ADAM2: variants seen among roughly 807,000 people sequenced by gnomAD.
The protein encoded by ADAM2 is ADAM metallopeptidase domain 2.
In ADAM2, 101 loss-of-function variants were observed where a neutral mutation model predicts 99.3. The observed-to-expected ratio is 1.02, with a 90% CI of 0.87 to 1.20. The LOEUF is 1.20. Ranked by LOEUF, ADAM2 falls within the 50% of genes most tolerant of loss-of-function variation. The probability of loss-of-function intolerance (pLI) is 0.00; values close to 1 mark genes in which losing one functional copy is unlikely to be tolerated. For missense variants in ADAM2, 948 were observed against 878.7 expected, an observed-to-expected ratio of 1.08 and a Z score of -1.00; for synonymous variants, 323 against 287.6, an observed-to-expected ratio of 1.12 and a Z score of -1.25.
At chr8:39,826,725 C>CA (rs1805418154) in intron 3 of ADAM2, among the ~76,000 whole-genome samples, 1 of 148,066 alleles carries the variant, frequency 6.8e-6, no homozygotes. Flanking sequence ...AAAAAAAAAA[C>CA]AAAAAAACCA....
chr8:39,769,574 G>C lies in ADAM2; in HGVS notation c.1030C>G (p.His344Asp). Residue 344 changes from histidine (H) to aspartate (D), a missense_variant and splice_region_variant, in exon 12 of 21, where the codon CAT becomes GAT. His to Asp is a moderately conservative substitution (Grantham distance 81). Transcript: ENST00000265708. The part of the protein sequence containing the change: ...AVCIMNPEAI[H>D]FSGVKIFSNC... ...CTAAAGATCTTCACACCACTGAAAT[G>C]ACTAAAGACACATCAAACGTCAAAT... The C allele has an allele frequency of 1.9e-6, 3 of 1,607,838 alleles. No homozygotes were observed. The South Asian group carries it at 3.3e-5, about 18-fold the overall frequency.
chr8:39,824,955 T>C, intron 3 of ADAM2, 58 bp from the exon 4 acceptor site: 5 of 778,220 alleles, frequency 6.4e-6, no homozygotes, highest in Admixed American at 2.3e-5. Flanking sequence ...TTTGAAACAT[T>C]TATTTTATTA....
chr8:39,783,728 G>A (rs1162586619), intron 10 of ADAM2, among the ~76,000 whole-genome samples: 1 of 152,082 alleles, frequency 6.6e-6, no homozygotes, highest in Admixed American at 6.5e-5. Context: ...GAGGCAGGCA[G>A]ATCACAAGGT....
chr8:39,802,834 C>T (rs759562001), intron 7 of ADAM2, among the ~76,000 whole-genome samples: 3 of 152,092 alleles, frequency 2.0e-5, no homozygotes, highest in Non-Finnish European at 2.9e-5. Context: ...AAAAAAAAAT[C>T]GTTTGTTCTA....
In ADAM2 at chr8:39,755,764, C is replaced by T. The variant is rs116723080; in HGVS notation, c.1761G>A (p.Met587Ile). 2 of 1,613,540 alleles carry T rather than the reference C, an allele frequency of 1.2e-6. No individual in the cohort carries two copies. The highest frequency in any genetic ancestry group is 1.1e-5 in the South Asian group (1 of 90,926). ...FASDHADSQKMWIKDGTSCGS... is the reference protein window; with the variant it reads ...FASDHADSQKIWIKDGTSCGS... The stretch of plus-strand genomic sequence containing the variant: ...CACAAGAAGTTCCATCTTTTATCCA[C>T]ATCTTTTGGCTGTCTGCATGATCAC... The change falls in exon 16 of 21, where the codon ATG becomes ATA. Residue 587 changes from methionine (M) to isoleucine (I), a missense_variant. Physicochemically the swap from Met to Ile is conservative, Grantham distance 10. Coordinates refer to ENST00000265708, the MANE Select transcript of ADAM2 (RefSeq NM_001464.5).
At chr8:39,746,327 A>G in intron 19 of ADAM2, 145 bp downstream of exon 19, 4 of 583,760 alleles carry the variant, frequency 6.9e-6, no homozygotes, top group Non-Finnish European at 1.1e-5. Flanking sequence ...ACCCCTGGCC[A>G]TTAGTTATTA....
chr8:39,801,010 C>T (rs923860130), intron 7 of ADAM2, among the ~76,000 whole-genome samples: 3 of 152,158 alleles, frequency 2.0e-5, no homozygotes, highest in Admixed American at 2.0e-4. Flanking sequence ...TAACCATCTT[C>T]TGTCAATTAC....
intron 14 of ADAM2, among the ~76,000 whole-genome samples, chr8:39,766,132 T>A (rs1443005524): frequency 6.6e-6 from 1 of 152,234 alleles, no homozygotes; most frequent in Non-Finnish European, 1.5e-5. Flanking sequence ...CAGGTGATTT[T>A]ATGCACCTGA....
chr8:39,757,665 T>G (rs929583977), intron 15 of ADAM2, among the ~76,000 whole-genome samples: 26 of 152,302 alleles, frequency 1.7e-4, no homozygotes, highest in African/African-American at 5.5e-4. Context: ...TGAACAATGT[T>G]TTCAGCTCCT....
intron 16 of ADAM2, among the ~76,000 whole-genome samples, chr8:39,754,240 T>C (rs1475057332): frequency 1.3e-5 from 2 of 152,034 alleles, no homozygotes; most frequent in African/African-American, 4.8e-5. Flanking sequence ...ATAACCAGAG[T>C]TCCAATCAAC....
intron 19 of ADAM2, 50 bp downstream of exon 19, chr8:39,746,422 A>G (rs781657139): frequency 1.6e-6 from 2 of 1,228,786 alleles, no homozygotes; most frequent in East Asian, 5.2e-5. Context: ...GCTATTTACT[A>G]TGTTCATAAA....
Position 39,777,010 on chromosome 8 carries a change from A to C in ADAM2, c.1028+15T>G. ...TTAAACTATATATGTAAAGTATAAA[A>C]GTCAGAAATCTTACATTGCTTCTGG... On this transcript the variant is annotated intron_variant, in intron 11 of 20. Transcript: ENST00000265708. 6.7e-7 allele frequency: 1 copy of C among 1,490,840 alleles called. No individual in the cohort carries two copies. The highest frequency in any genetic ancestry group is 9.3e-7 in the Non-Finnish European group (1 of 1,073,498). 92.4% of individuals were successfully genotyped at this position (1,490,840 alleles called of 1,614,324 possible).
At chr8:39,801,065 C>G (rs1286896068) in intron 7 of ADAM2, among the ~76,000 whole-genome samples, 1 of 152,124 alleles carries the variant, frequency 6.6e-6, no homozygotes, top group Non-Finnish European at 1.5e-5. Context: ...GATGGAGAGA[C>G]ACTGCAATCA....
intron 7 of ADAM2, among the ~76,000 whole-genome samples, chr8:39,800,240 C>T (rs1804144598): frequency 6.6e-6 from 1 of 151,972 alleles, no homozygotes; most frequent in South Asian, 2.1e-4. Context: ...AATCCCTCAG[C>T]ATTTGCTTGT....
intron 3 of ADAM2, among the ~76,000 whole-genome samples, chr8:39,828,022 G>A (rs945455441): frequency 6.6e-6 from 1 of 151,686 alleles, no homozygotes; most frequent in Non-Finnish European, 1.5e-5. Context: ...GGAAGGGGAA[G>A]ACTATGATTA....
At chr8:39,768,351 G>T (rs930628730) in intron 12 of ADAM2, among the ~76,000 whole-genome samples, 1 of 152,020 alleles carries the variant, frequency 6.6e-6, no homozygotes, top group African/African-American at 2.4e-5. Flanking sequence ...CCATTGTAGG[G>T]CACAATGAAG....
chr8:39,767,516 T>TA (rs2129584141), intron 12 of ADAM2, among the ~76,000 whole-genome samples: 1 of 152,344 alleles, frequency 6.6e-6, no homozygotes, highest in Non-Finnish European at 1.5e-5. Context: ...GGGTCCACCA[T>TA]AGCCAAGTCA....
intron 6 of ADAM2, among the ~76,000 whole-genome samples, chr8:39,818,734 C>G (rs766026147): frequency 4.0e-5 from 6 of 151,768 alleles, no homozygotes; most frequent in Non-Finnish European, 8.8e-5. Flanking sequence ...AATACAAAAC[C>G]AATATGGAAA....
chr8:39,784,028 G>A (rs1803348166), intron 10 of ADAM2, among the ~76,000 whole-genome samples: 2 of 152,098 alleles, frequency 1.3e-5, no homozygotes, highest in Non-Finnish European at 2.9e-5. Context: ...TACTTGTGCT[G>A]TGGTTTCACA....
Sources: allele counts gnomAD v4.1 joint callset (sites outside exome capture counted in the v4.1 genomes callset), GRCh38; gene constraint gnomAD v4.1.1; transcripts MANE v1.5; gene names NCBI Gene and HGNC (gene_info 2026-07-23, HGNC 2026-07-21).